Variants in FAM110B observed in about 807,000 individuals in gnomAD.
FAM110B encodes protein FAM110B.
A neutral mutation model predicts 20.4 loss-of-function variants in FAM110B; 6 were observed. That is an observed-to-expected ratio of 0.29 (90% CI 0.16 to 0.58). The LOEUF (loss-of-function observed/expected upper bound fraction) is 0.58, where lower values mean the gene tolerates loss of function less well. Among genes scored for constraint, FAM110B ranks in the 20% least tolerant of loss-of-function variants. The pLI is 0.90. For synonymous variants in FAM110B, 226 were observed against 214.1 expected (o/e 1.06, Z -0.49); for missense variants, 434 against 498.2 (o/e 0.87, Z 1.23).
intron 3 of FAM110B, among the ~76,000 whole-genome samples, chr8:58,084,393 CTTTT>C (rs574705921): frequency 2.1e-5 from 3 of 140,760 alleles, no homozygotes; most frequent in African/African-American, 5.2e-5. Context: ...CTCCATTTTC[CTTTT>C]TTTTTTTTTT....
intron 2 of FAM110B, among the ~76,000 whole-genome samples, chr8:58,058,417 G>A (rs1805590946): frequency 6.6e-6 from 1 of 151,516 alleles, no homozygotes; most frequent in East Asian, 1.9e-4. Context: ...TATTACAAAC[G>A]TGGGACAAGT....
chr8:58,073,727 C>T (rs1435416182), intron 2 of FAM110B, among the ~76,000 whole-genome samples: 1 of 152,140 alleles, frequency 6.6e-6, no homozygotes, highest in Non-Finnish European at 1.5e-5. Context: ...ATTGTCATTT[C>T]CTCTTGGCTG....
intron 1 of FAM110B, among the ~76,000 whole-genome samples, chr8:57,997,591 A>C (rs1208878094): frequency 6.6e-6 from 1 of 152,208 alleles, no homozygotes; most frequent in Non-Finnish European, 1.5e-5. Context: ...ACAACTTCCT[A>C]GGGCCAATTC....
In FAM110B at chr8:58,078,839, C is replaced by T. The variant is rs192104537; in HGVS notation, c.-325+3216C>T. 3.6e-3 allele frequency among the ~76,000 whole-genome samples: 545 copies of T among 152,080 alleles called. 3 individuals carry two copies. The highest frequency in any genetic ancestry group is 0.013 in the African/African-American group (527 of 41,476). Reference sequence around the variant, plus strand: ...TGCTGGGATTACAGGTGTGAGCCACCGCGCCCGGCCAGATTTTTGCCTTTT... The same window carrying T: ...TGCTGGGATTACAGGTGTGAGCCACTGCGCCCGGCCAGATTTTTGCCTTTT... On this transcript the variant is annotated intron_variant, in intron 3 of 3. Transcript: ENST00000519262.
intron 2 of FAM110B, among the ~76,000 whole-genome samples, chr8:58,033,007 C>G (rs766341027): frequency 2.6e-5 from 4 of 152,194 alleles, no homozygotes; most frequent in Non-Finnish European, 5.9e-5. Flanking sequence ...ATGATCCCAT[C>G]AGCCAGGTAG....
intron 1 of FAM110B, among the ~76,000 whole-genome samples, chr8:57,995,992 TTTA>T (rs149941935): frequency 0.015 from 2,249 of 152,318 alleles, 54 homozygotes; most frequent in African/African-American, 0.051. Context: ...GAAGAAGGTA[TTTA>T]TTATTTTCCC....
At chr8:58,137,123 T>C (rs1338385837) in intron 3 of FAM110B, among the ~76,000 whole-genome samples, 1 of 152,234 alleles carries the variant, frequency 6.6e-6, no homozygotes, top group Non-Finnish European at 1.5e-5. Context: ...TCAATCCTCT[T>C]TGACAGAAAT....
At chr8:58,022,468 G>A (rs1265541333) in intron 1 of FAM110B, among the ~76,000 whole-genome samples, 1 of 152,106 alleles carries the variant, frequency 6.6e-6, no homozygotes. Context: ...GTACAATAGT[G>A]TGATAGTACT....
intron 2 of FAM110B, among the ~76,000 whole-genome samples, chr8:58,038,635 C>T (rs1805138432): frequency 6.6e-6 from 1 of 151,904 alleles, no homozygotes; most frequent in Non-Finnish European, 1.5e-5. Flanking sequence ...GCCTGTAATC[C>T]CAGCTACTTT....
intron 1 of FAM110B, among the ~76,000 whole-genome samples, chr8:58,020,552 C>A (rs1280840052): frequency 6.6e-6 from 1 of 152,122 alleles, no homozygotes; most frequent in East Asian, 1.9e-4. Context: ...ACCTAATCAG[C>A]CTTTTAAAAA....
intron 2 of FAM110B, among the ~76,000 whole-genome samples, chr8:58,035,513 T>A (rs1805060060): frequency 6.6e-6 from 1 of 152,224 alleles, no homozygotes; most frequent in African/African-American, 2.4e-5. Context: ...GAAAAGAGTA[T>A]GCATAATTCA....
At chr8:58,015,869 A>G (rs1437884142) in intron 1 of FAM110B, among the ~76,000 whole-genome samples, 3 of 151,944 alleles carry the variant, frequency 2.0e-5, no homozygotes, top group Non-Finnish European at 4.4e-5. Flanking sequence ...AAGAAAAAGA[A>G]AAAAGGCATG....
intron 1 of FAM110B, among the ~76,000 whole-genome samples, chr8:58,009,609 C>A (rs180909657): frequency 1.3e-5 from 2 of 152,284 alleles, no homozygotes; most frequent in Non-Finnish European, 2.9e-5. Flanking sequence ...TTCACCTATT[C>A]TTTGATTTAA....
At chr8:58,095,442 T>C (rs1396996513) in intron 3 of FAM110B, among the ~76,000 whole-genome samples, 6 of 152,222 alleles carry the variant, frequency 3.9e-5, no homozygotes, top group Non-Finnish European at 7.3e-5. Context: ...CATTGTGTCT[T>C]TTTTCTCATT....
chr8:58,110,549 G>T (rs935860588), intron 3 of FAM110B, among the ~76,000 whole-genome samples: 1 of 152,068 alleles, frequency 6.6e-6, no homozygotes, highest in Non-Finnish European at 1.5e-5. Flanking sequence ...AAAAGTAATA[G>T]TATTTCAAAG....
At chr8:58,097,411 C>T (rs1035683129) in intron 3 of FAM110B, among the ~76,000 whole-genome samples, 3 of 152,222 alleles carry the variant, frequency 2.0e-5, no homozygotes, top group African/African-American at 7.2e-5. Flanking sequence ...TTATATTCTT[C>T]TCTAAACTGG....
chr8:58,063,436 C>G (rs912042183), intron 2 of FAM110B, among the ~76,000 whole-genome samples: 13 of 150,556 alleles, frequency 8.6e-5, no homozygotes, highest in African/African-American at 3.2e-4. Context: ...TTTATACACA[C>G]AGAGACTTTA....
chr8:58,091,109 A>G (rs1440008454), intron 3 of FAM110B, among the ~76,000 whole-genome samples: 1 of 152,126 alleles, frequency 6.6e-6, no homozygotes, highest in Non-Finnish European at 1.5e-5. Context: ...TAGTTATCCA[A>G]ACAGTCTCTG....
At chr8:58,071,927 G>GGTGC (rs1294309267) in intron 2 of FAM110B, among the ~76,000 whole-genome samples, 2 of 152,144 alleles carry the variant, frequency 1.3e-5, no homozygotes, top group Non-Finnish European at 2.9e-5. Context: ...ATTGCAGAAG[G>GGTGC]GTGCGTATCA....
Sources: allele counts gnomAD v4.1 joint callset (sites outside exome capture counted in the v4.1 genomes callset), GRCh38; gene constraint gnomAD v4.1.1; transcripts MANE v1.5; gene names NCBI Gene and HGNC (gene_info 2026-07-23, HGNC 2026-07-21).